Variants in B3GALT2 observed in about 807,000 individuals in gnomAD.
B3GALT2 encodes the protein UDP-Gal:betaGlcNAc beta 1,3-galactosyltransferase, polypeptide 2.
B3GALT2 carries 13 observed loss-of-function variants against 33.5 expected under a neutral mutation model. That is an observed-to-expected ratio of 0.39 (90% CI 0.25 to 0.62). The LOEUF (loss-of-function observed/expected upper bound fraction) is 0.62. Ranked by LOEUF, B3GALT2 falls within the 20% of genes least tolerant of loss-of-function variation. The probability of loss-of-function intolerance (pLI) is 0.53; values close to 1 mark genes in which losing one functional copy is unlikely to be tolerated. For synonymous variants in B3GALT2, 195 were observed against 172.7 expected (o/e 1.13, Z -1.01); for missense variants, 418 against 509.1 (o/e 0.82, Z 1.72).
intron 1 of B3GALT2, among the ~76,000 whole-genome samples, chr1:193,182,644 G>C (rs1226551803): frequency 6.6e-6 from 1 of 152,058 alleles, no homozygotes; most frequent in Non-Finnish European, 1.5e-5. Flanking sequence ...ATTTTAAAAA[G>C]GTTATGAGAT....
At chr1:193,183,114 A>C (rs1186293796) in intron 1 of B3GALT2, among the ~76,000 whole-genome samples, 1 of 151,914 alleles carries the variant, frequency 6.6e-6, no homozygotes, top group African/African-American at 2.4e-5. Flanking sequence ...TCCTCATGTA[A>C]TTGAATAGTT....
At chr1:193,182,354 T>C (rs1218936384) in intron 1 of B3GALT2, among the ~76,000 whole-genome samples, 1 of 152,182 alleles carries the variant, frequency 6.6e-6, no homozygotes, top group African/African-American at 2.4e-5. Flanking sequence ...TTTGTAAATA[T>C]GAAGTATTCA....
At chr1:193,184,414 CA>C (rs1676770905) in intron 1 of B3GALT2, among the ~76,000 whole-genome samples, 1 of 151,814 alleles carries the variant, frequency 6.6e-6, no homozygotes, top group South Asian at 2.1e-4. Context: ...CAGTAGTATG[CA>C]AAATAGTTCT....
At position 193,180,352 on chromosome 1, in the gene B3GALT2, G is replaced by A. The variant is rs1298958276; in HGVS notation, c.1211C>T (p.Ala404Val). The part of the protein sequence containing the change: ...WNHLQQNKHN[A>V]CANAAKEKAG... ...CTTTTCTTTTGCTGCGTTGGCACAGGCATTGTGCTTATTTTGTTGTAAATG... is the reference window on the plus strand; with the variant it reads ...CTTTTCTTTTGCTGCGTTGGCACAGACATTGTGCTTATTTTGTTGTAAATG... The change falls in exon 2 of 2, where the codon GCC (alanine) becomes GTC (valine). Residue 404 changes from alanine (A) to valine (V), a missense_variant. Coordinates refer to ENST00000367434, the MANE Select transcript of B3GALT2 (RefSeq NM_003783.3). 3.1e-6 allele frequency: 5 copies of A among 1,610,752 alleles called. No individual in the cohort carries two copies. The South Asian group carries it at 4.4e-5, about 14-fold the overall frequency.
rs1676706382 is a variant in B3GALT2, at chr1:193,181,066, G to C, written c.497C>G (p.Ala166Gly). The change falls in exon 2 of 2, where the codon GCT becomes GGT. Residue 166 changes from alanine (A) to glycine (G), a missense_variant. Transcript: ENST00000367434. ...CCAAGTTTGCCGAATAGCTCTTCTA[G>C]CTTCTATTTGTCCAGGCTCTGCAGC... ...LIAAEPGQIEARRAIRQTWGN... is the reference protein window; with the variant it reads ...LIAAEPGQIEGRRAIRQTWGN... 1 of 1,614,002 alleles carries C rather than the reference G, an allele frequency of 6.2e-7. No homozygotes were observed.
chr1:193,185,082 A>G (rs1193024159), intron 1 of B3GALT2, among the ~76,000 whole-genome samples: 1 of 152,064 alleles, frequency 6.6e-6, no homozygotes, highest in Non-Finnish European at 1.5e-5. Flanking sequence ...TCATTACTGC[A>G]TATTAATATA....
chr1:193,183,662 A>T (rs922172430), intron 1 of B3GALT2, among the ~76,000 whole-genome samples: 5 of 151,702 alleles, frequency 3.3e-5, no homozygotes, highest in African/African-American at 1.2e-4. Context: ...CATATTTGGT[A>T]AATAATAATG....
chr1:193,182,077 A>C (rs1676726650), intron 1 of B3GALT2, among the ~76,000 whole-genome samples: 2 of 152,190 alleles, frequency 1.3e-5, no homozygotes, highest in African/African-American at 4.8e-5. Flanking sequence ...TTGATTTGAC[A>C]TACTATTGGT....
In B3GALT2 at chr1:193,180,162, A is replaced by G. The variant is rs1313961362; in HGVS notation, c.*132T>C. ...TTAAGAATTAACTTCTTCAGAAATT[A>G]AAAAAATACTTCTTGAATTTCTTTA... is the stretch of plus-strand genomic sequence containing the variant. On this transcript the variant is annotated 3_prime_UTR_variant, in exon 2 of 2. Transcript: ENST00000367434. 1 of 792,320 alleles carries G rather than the reference A, an allele frequency of 1.3e-6. No homozygotes were observed. Among genetic ancestry groups the G allele is most frequent in the African/African-American group, 1.8e-5 (1 of 55,584 alleles). 49.1% of individuals were successfully genotyped at this position (792,320 alleles called of 1,614,324 possible).
Position 193,181,600 on chromosome 1 carries a change from G to A in B3GALT2, c.-38C>T. 6.6e-7 allele frequency: 1 copy of A among 1,507,132 alleles called. No individual in the cohort carries two copies. The highest frequency in any genetic ancestry group is 1.3e-5 in the South Asian group (1 of 74,630). The allele number at this position is 1,507,132 out of a possible 1,614,324, so 93.4% of individuals were successfully genotyped here. On this transcript the variant is annotated 5_prime_UTR_variant, in exon 2 of 2. Coordinates refer to ENST00000367434, the MANE Select transcript of B3GALT2 (RefSeq NM_003783.3). ...CAGTAGTGGTATATGAGAGATTGGT[G>A]ACCAAAAATGTTTTCTTCTCCTTAA...
At chr1:193,184,981 TTCTTGAGC>T (rs1423695679) in intron 1 of B3GALT2, among the ~76,000 whole-genome samples, 7 of 152,042 alleles carry the variant, frequency 4.6e-5, no homozygotes, top group Non-Finnish European at 1.0e-4. Flanking sequence ...TATCTTTAAG[TTCTTGAGC>T]CCTGAGTTGC....
In B3GALT2 at chr1:193,179,106, C is replaced by G. The variant is rs1443847093; in HGVS notation, c.*1188G>C. ...ATAAAAGTGCATTGTATACATTGTT[C>G]ATCCTAGAATTGTGTTTGTCAAACG... On this transcript the variant is annotated 3_prime_UTR_variant, in exon 2 of 2. Coordinates refer to ENST00000367434, the MANE Select transcript of B3GALT2 (RefSeq NM_003783.3). 1.3e-5 allele frequency: 2 copies of G among 151,996 alleles called. No individual in the cohort carries two copies. Among genetic ancestry groups the G allele is most frequent in the Non-Finnish European group, 1.5e-5 (1 of 67,982 alleles). 9.4% of individuals were successfully genotyped at this position (151,996 alleles called of 1,614,324 possible). A position where few individuals can be genotyped will look rare whatever the true frequency, so the allele number is the denominator to read the frequency against.
intron 1 of B3GALT2, among the ~76,000 whole-genome samples, chr1:193,182,172 A>T (rs896436532): frequency 2.6e-5 from 4 of 152,136 alleles, no homozygotes; most frequent in Non-Finnish European, 5.9e-5. Context: ...ATTATGGCAG[A>T]GTTCTGTTAG....
In B3GALT2 at chr1:193,180,612, A is replaced by G; in HGVS notation, c.951T>C (p.Tyr317=). 1.2e-6 allele frequency: 2 copies of G among 1,614,164 alleles called. No homozygotes were observed. Among genetic ancestry groups the G allele is most frequent in the South Asian group, 1.1e-5 (1 of 91,084 alleles). The change falls in exon 2 of 2, where the codon TAT becomes TAC. Residue 317 remains tyrosine (Y), a synonymous_variant. Transcript: ENST00000367434. ...RYPVFCSGTG[Y]VFSGDLAEKI... is the part of the protein sequence containing the mutation. ...TTTCTGCCAGATCTCCAGAAAAAAC[A>G]TAACCAGTTCCAGAACAGAAGACAG...
Position 193,180,943 on chromosome 1 carries a change from T to C in B3GALT2, c.620A>G (p.Glu207Gly). Residue 207 changes from glutamate to glycine, a missense_variant, in exon 2 of 2, where the codon GAA (glutamate) becomes GGA (glycine). Glu to Gly is a moderately conservative substitution (Grantham distance 98). Coordinates refer to ENST00000367434, the MANE Select transcript of B3GALT2 (RefSeq NM_003783.3). ...TATATCATGATATTGTCTGCTTTCT[T>C]CCAGTATTGCACGTTGAAGGTAGCC... is the stretch of plus-strand genomic sequence containing the variant. ...LNGYLQRAIL[E>G]ESRQYHDIIQ... 1 of 1,613,580 alleles carries C rather than the reference T, an allele frequency of 6.2e-7. No homozygotes were observed. The highest frequency in any genetic ancestry group is 1.1e-5 in the South Asian group (1 of 91,080).
chr1:193,184,657 G>C (rs1296196033), intron 1 of B3GALT2, among the ~76,000 whole-genome samples: 2 of 151,884 alleles, frequency 1.3e-5, no homozygotes, highest in Non-Finnish European at 2.9e-5. Flanking sequence ...GTTTTGAGAT[G>C]TATAGCTTAT....
rs1309458354 is a variant in B3GALT2 at position 193,179,693 on chromosome 1, GAA to G, written c.*599_*600del. 3.3e-5 allele frequency: 5 copies of G among 152,402 alleles called. No individual in the cohort carries two copies. Among genetic ancestry groups the G allele is most frequent in the African/African-American group, 1.2e-4 (5 of 41,412 alleles). The allele number at this position is 152,402 out of a possible 1,614,324, so 9.4% of individuals were successfully genotyped here. On this transcript the variant is annotated 3_prime_UTR_variant, in exon 2 of 2. Transcript: ENST00000367434. ...TTAATAAAAGAAAGTATTAATAAAA[GAA>G]ATTTAAAATAATATCTCAGTTATTT...
rs201494057 is a variant in B3GALT2 at position 193,185,725 on chromosome 1, AT to A, written c.-121+293del. 1.7e-4 allele frequency among the ~76,000 whole-genome samples: 26 copies of A among 151,578 alleles called. 1 individual carries two copies. The East Asian group carries it at 2.1e-3, about 12-fold the overall frequency. ...CTGTGTTTTTTGTAAAGGGCTACAG[AT>A]TTTTTTTTAAGTTTAATTTCTTAAG... On this transcript the variant is annotated intron_variant, in intron 1 of 1. Coordinates refer to ENST00000367434, the MANE Select transcript of B3GALT2 (RefSeq NM_003783.3).
Position 193,180,695 on chromosome 1 carries a change from G to C in B3GALT2, c.868C>G (p.Arg290Gly). 1.2e-6 allele frequency: 2 copies of C among 1,614,048 alleles called. No homozygotes were observed. The highest frequency in any genetic ancestry group is 1.7e-6 in the Non-Finnish European group (2 of 1,179,940). ...ATGTACCACTTGCTATCTTTGTTTC[G>C]ATTGGGTGCATATCCTCGCATTAGG... is the stretch of plus-strand genomic sequence containing the variant. Reference protein sequence around the residue: ...GYLMRGYAPNRNKDSKWYMPP... With the variant: ...GYLMRGYAPNGNKDSKWYMPP... Residue 290 changes from arginine to glycine, a missense_variant, in exon 2 of 2, where the codon CGA (arginine) becomes GGA (glycine). Arg to Gly is a moderately radical substitution (Grantham distance 125). Coordinates refer to ENST00000367434, the MANE Select transcript of B3GALT2 (RefSeq NM_003783.3).
Sources: allele counts gnomAD v4.1 joint callset (sites outside exome capture counted in the v4.1 genomes callset), GRCh38; gene constraint gnomAD v4.1.1; transcripts MANE v1.5; gene names NCBI Gene and HGNC (gene_info 2026-07-23, HGNC 2026-07-21).